The following PDXK variants were observed in gnomAD, a reference collection of about 807,000 sequenced individuals.
PDXK encodes the protein pyridoxal kinase, also known as epididymis secretory sperm binding protein Li 1a.
In PDXK, 15 loss-of-function variants were observed where a neutral mutation model predicts 43.2. The observed-to-expected ratio is 0.35, with a 90% CI of 0.23 to 0.53. PDXK has a LOEUF of 0.53. PDXK is among the 20% of genes least tolerant of loss of function. The pLI is 0.92. For synonymous variants in PDXK, 172 were observed against 165.4 expected (o/e 1.04, Z -0.31); for missense variants, 343 against 417.0 (o/e 0.82, Z 1.54).
At chr21:43,753,903 C>T (rs914412552) in intron 9 of PDXK, among the ~76,000 whole-genome samples, 184 bp downstream of exon 9, 5 of 152,246 alleles carry the variant, frequency 3.3e-5, no homozygotes, top group East Asian at 1.9e-4. Context: ...ACTCTCACAT[C>T]GCCTCCCATC....
In PDXK at chr21:43,753,574, T is replaced by C; in HGVS notation, c.623-9T>C. ...GATCTCAGTGACCTTGCCCATCTTC[T>C]CCCCCTAGGGAATCCCGCTGGCTCC... On this transcript the variant is annotated splice_polypyrimidine_tract_variant and intron_variant, in intron 8 of 10. Transcript: ENST00000291565. The C allele has an allele frequency of 1.2e-6, 2 of 1,604,016 alleles. No individual in the cohort carries two copies. The highest frequency in any genetic ancestry group is 1.7e-6 in the Non-Finnish European group (2 of 1,173,216).
chr21:43,722,239 T>C (rs1568970585), intron 1 of PDXK, among the ~76,000 whole-genome samples: 4 of 152,172 alleles, frequency 2.6e-5, no homozygotes, highest in Non-Finnish European at 4.4e-5. Context: ...CTCTTGGGTG[T>C]AGGAAACCTC....
rs4819308 is a variant in PDXK at position 43,754,441 on chromosome 21, C to G, written c.759+722C>G. Among the ~76,000 whole-genome samples the G allele has an allele frequency of 2.0e-5, 3 of 152,268 alleles. No individual in the cohort carries two copies. The highest frequency in any genetic ancestry group is 1.9e-4 in the East Asian group (1 of 5,180). Reference sequence around the variant, plus strand: ...CAACTGTGGCGCTCAGATCCGTGACCTCCCGTGCTGCATGCAGCAGAGTTG... The same window carrying G: ...CAACTGTGGCGCTCAGATCCGTGACGTCCCGTGCTGCATGCAGCAGAGTTG... On this transcript the variant is annotated intron_variant, in intron 9 of 10. Coordinates refer to ENST00000291565, the MANE Select transcript of PDXK (RefSeq NM_003681.5). The surrounding 1 kb of genome is among the most constrained non-coding windows in gnomAD (Gnocchi z 5.5).
chr21:43,750,598 G>A lies in PDXK; in HGVS notation c.510+53G>A, dbSNP rs1186311802. On this transcript the variant is annotated intron_variant, in intron 7 of 10. Transcript: ENST00000291565. ...GGGCACATGTGCCGCTCACGGTGGGGACGGGAGACAGGCTGCCTGAGTGGC... is the reference window on the plus strand; with the variant it reads ...GGGCACATGTGCCGCTCACGGTGGGAACGGGAGACAGGCTGCCTGAGTGGC... 10 of 1,448,212 alleles carry A rather than the reference G, an allele frequency of 6.9e-6. No individual in the cohort carries two copies. In the Admixed American group the frequency reaches 1.4e-4, roughly 21 times the overall value. 89.7% of individuals were successfully genotyped at this position (1,448,212 alleles called of 1,614,324 possible).
chr21:43,737,875 A>G lies in PDXK; in HGVS notation c.142+3752A>G, dbSNP rs2083431475. 1 of 985,374 alleles carries G rather than the reference A, an allele frequency of 1.0e-6. No individual in the cohort carries two copies. The highest frequency in any genetic ancestry group is 6.1e-5 in the Admixed American group (1 of 16,272). The allele number at this position is 985,374 out of a possible 1,614,324, so 61.0% of individuals were successfully genotyped here. On this transcript the variant is annotated intron_variant, in intron 2 of 10. Coordinates refer to ENST00000291565, the MANE Select transcript of PDXK (RefSeq NM_003681.5). The surrounding 1 kb of genome is among the most constrained non-coding windows in gnomAD (Gnocchi z 4.8). ...TGGAATGAGTTGGACACAAGATCCA[A>G]GCGCCCTCCCCTGTTGGAGAAGGTT...
chr21:43,734,479 T>TA lies in PDXK; in HGVS notation c.142+360dup, dbSNP rs1187495560. 6.6e-6 allele frequency among the ~76,000 whole-genome samples: 1 copy of TA among 152,196 alleles called. No individual in the cohort carries two copies. The highest frequency in any genetic ancestry group is 1.5e-5 in the Non-Finnish European group (1 of 68,022). On this transcript the variant is annotated intron_variant, in intron 2 of 10. Coordinates refer to ENST00000291565, the MANE Select transcript of PDXK (RefSeq NM_003681.5). The surrounding 1 kb of genome is among the most constrained non-coding windows in gnomAD (Gnocchi z 5.0). ...GCCAGAGTTGATTACGTCACTTGCA[T>TA]AAAATGCTTGGACCAATGCCTGGCT...
At chr21:43,753,863 G>A in intron 9 of PDXK, 144 bp downstream of exon 9, 1 of 924,168 alleles carries the variant, frequency 1.1e-6, no homozygotes. Flanking sequence ...GGAGGGCAGT[G>A]GCCAGGCCAT....
intron 2 of PDXK, chr21:43,736,903 G>A (rs1601801274): frequency 1.4e-6 from 1 of 699,458 alleles, no homozygotes; most frequent in Non-Finnish European, 2.6e-6. Context: ...CAAAGTGCTG[G>A]GATTACAGGT....
rs7278680 is a variant in PDXK, at chr21:43,734,894, C to A, written c.142+771C>A. Among the ~76,000 whole-genome samples, 15 of 152,194 alleles carry A rather than the reference C, an allele frequency of 9.9e-5. No homozygotes were observed. The highest frequency in any genetic ancestry group is 2.9e-4 in the African/African-American group (12 of 41,436). ...GAAATTTCTCTGAACCCAGGCGGAACCTTGGGAGCACAGAACGTCCCAGAA... is the reference window on the plus strand; with the variant it reads ...GAAATTTCTCTGAACCCAGGCGGAAACTTGGGAGCACAGAACGTCCCAGAA... On this transcript the variant is annotated intron_variant, in intron 2 of 10. Transcript: ENST00000291565. This position sits in a 1 kb window ranked among gnomAD's most constrained non-coding sequence, Gnocchi z 5.0.
intron 1 of PDXK, among the ~76,000 whole-genome samples, chr21:43,724,346 G>C (rs1358231941): frequency 6.6e-6 from 1 of 152,180 alleles, no homozygotes; most frequent in Non-Finnish European, 1.5e-5. Flanking sequence ...AGCTGTGGCA[G>C]AGGCCGAGGG....
At chr21:43,741,618 C>G (rs2083531735) in intron 2 of PDXK, 49 bp from the exon 3 acceptor site, 1 of 1,595,070 alleles carries the variant, frequency 6.3e-7, no homozygotes. Flanking sequence ...GCCCACGGCC[C>G]CAGCTGGCCC....
At chr21:43,740,199 G>A (rs945527236) in intron 2 of PDXK, among the ~76,000 whole-genome samples, 1 of 152,082 alleles carries the variant, frequency 6.6e-6, no homozygotes, top group Non-Finnish European at 1.5e-5. Flanking sequence ...TGCGCCACAC[G>A]TCCTCCCGTG....
chr21:43,736,243 G>A (rs966137690), intron 2 of PDXK, among the ~76,000 whole-genome samples: 1 of 152,206 alleles, frequency 6.6e-6, no homozygotes, highest in African/African-American at 2.4e-5. Flanking sequence ...AAAGATGTCT[G>A]CATGCACGAC....
chr21:43,745,966 C>T (rs2056290393), intron 4 of PDXK, 113 bp from the exon 5 acceptor site: 2 of 855,542 alleles, frequency 2.3e-6, no homozygotes, highest in East Asian at 5.1e-5. Context: ...CACTGCACTC[C>T]AGCCTGGACA....
intron 1 of PDXK, among the ~76,000 whole-genome samples, chr21:43,727,865 G>GC (rs964090422): frequency 1.3e-5 from 2 of 152,236 alleles, no homozygotes; most frequent in African/African-American, 4.8e-5. Flanking sequence ...ACACCAGGGA[G>GC]CCCATATTGG....
Position 43,719,607 on chromosome 21 carries a change from C to T in PDXK, c.87+226C>T, listed in dbSNP as rs937382786. Reference sequence around the variant, plus strand: ...CGGGCCCCTGCGGGTGGGACGGGTCCGGCGTCGGGGTACGCGGGTAGGAGG... The same window carrying T: ...CGGGCCCCTGCGGGTGGGACGGGTCTGGCGTCGGGGTACGCGGGTAGGAGG... On this transcript the variant is annotated intron_variant, in intron 1 of 10. Transcript: ENST00000291565. The T allele has an allele frequency of 6.1e-6, 6 of 985,172 alleles. No individual in the cohort carries two copies. In the African/African-American group the frequency reaches 7.0e-5, roughly 11 times the overall value. 61.0% of individuals were successfully genotyped at this position (985,172 alleles called of 1,614,324 possible).
In PDXK at chr21:43,758,073, AC is replaced by A; in HGVS notation, c.*2013del. On this transcript the variant is annotated 3_prime_UTR_variant, in exon 11 of 11. Transcript: ENST00000291565. Reference sequence around the variant, plus strand: ...TCTCTGTCCTGTGAGCTGGTGAAAAACCCAGCATGAGAACGCAGTGTCAGGT... The same window carrying A: ...TCTCTGTCCTGTGAGCTGGTGAAAAACCAGCATGAGAACGCAGTGTCAGGT... The A allele has an allele frequency of 6.6e-6, 1 of 152,664 alleles. No homozygotes were observed. Among genetic ancestry groups the A allele is most frequent in the Non-Finnish European group, 1.5e-5 (1 of 67,782 alleles). 9.5% of individuals were successfully genotyped at this position (152,664 alleles called of 1,614,324 possible).
At chr21:43,719,689 G>A (rs1029417897) in intron 1 of PDXK, 4 of 985,344 alleles carry the variant, frequency 4.1e-6, no homozygotes, top group African/African-American at 1.7e-5. Context: ...CCCGCCGACC[G>A]GGCCAACTGC....
At chr21:43,741,528 C>G (rs1194304552) in intron 2 of PDXK, 139 bp from the exon 3 acceptor site, 12 of 1,476,972 alleles carry the variant, frequency 8.1e-6, no homozygotes, top group Non-Finnish European at 9.9e-6. Flanking sequence ...GCCTAGTGAT[C>G]TCCTTCGGGT....
Sources: gnomAD v4.1 joint callset for allele counts (sites outside exome capture counted in the v4.1 genomes callset) on GRCh38, gnomAD v4.1.1 for gene constraint, Gnocchi (gnomAD v3.1) non-coding constraint, MANE v1.5 for transcripts, NCBI Gene and HGNC (gene_info 2026-07-23, HGNC 2026-07-21) for gene names.